Variants in WWOX observed in about 807,000 individuals in gnomAD.
The protein encoded by WWOX is WW domain containing oxidoreductase, also known as WW domain-containing oxidoreductase.
A neutral mutation model predicts 46.2 loss-of-function variants in WWOX; 69 were observed. The observed-to-expected ratio is 1.49, with a 90% CI of 1.23 to 1.82. The LOEUF (loss-of-function observed/expected upper bound fraction) is 1.82. WWOX is among the 40% of genes most tolerant of loss of function. WWOX has a pLI of 0.00. For missense variants in WWOX, 919 were observed against 542.6 expected (o/e 1.69, Z -6.89); for synonymous variants, 359 against 202.6 (o/e 1.77, Z -6.56).
At chr16:79,211,535 G>C (rs2150866911) in intron 8 of WWOX, 73 bp from the exon 9 acceptor site, 1 of 1,599,658 alleles carries the variant, frequency 6.3e-7, no homozygotes, top group East Asian at 2.2e-5. Flanking sequence ...CTAATGCCCA[G>C]GCAGTCGAAA....
intron 8 of WWOX, among the ~76,000 whole-genome samples, chr16:78,486,231 G>C (rs530525287): frequency 7.9e-5 from 12 of 152,254 alleles, no homozygotes; most frequent in African/African-American, 2.6e-4. Context: ...TCAAGTTGCA[G>C]CTTGGAACTT....
intron 8 of WWOX, among the ~76,000 whole-genome samples, chr16:78,672,121 C>T (rs990012820): frequency 2.6e-5 from 4 of 152,092 alleles, no homozygotes; most frequent in South Asian, 2.1e-4. Flanking sequence ...TTTAGGATAC[C>T]GGCAGGGCAG....
At chr16:78,999,375 C>T (rs1567472327) in intron 8 of WWOX, among the ~76,000 whole-genome samples, 1 of 152,124 alleles carries the variant, frequency 6.6e-6, no homozygotes, top group Non-Finnish European at 1.5e-5. Context: ...GAGGCTGAGG[C>T]AGGAGAATCG....
intron 8 of WWOX, among the ~76,000 whole-genome samples, chr16:78,795,835 C>G (rs2050721917): frequency 6.6e-6 from 1 of 151,956 alleles, no homozygotes; most frequent in Non-Finnish European, 1.5e-5. Context: ...AGTAGAGTGG[C>G]TAGCGTATAG....
chr16:78,369,142 G>A (rs994847522), intron 5 of WWOX, among the ~76,000 whole-genome samples: 4 of 151,732 alleles, frequency 2.6e-5, no homozygotes, highest in Non-Finnish European at 4.4e-5. Context: ...ACTCATTAAT[G>A]TGGAAAATTA....
chr16:78,335,027 C>G (rs1354161658), intron 5 of WWOX, among the ~76,000 whole-genome samples: 1 of 152,008 alleles, frequency 6.6e-6, no homozygotes, highest in African/African-American at 2.4e-5. Flanking sequence ...CCTGCAGTGT[C>G]AGCATCACCT....
chr16:78,368,314 A>C (rs1222492081), intron 5 of WWOX, among the ~76,000 whole-genome samples: 2 of 152,146 alleles, frequency 1.3e-5, no homozygotes. Flanking sequence ...GGTGATACTT[A>C]AGTTAACTGG....
intron 8 of WWOX, among the ~76,000 whole-genome samples, chr16:78,544,230 C>G (rs1000591271): frequency 1.3e-5 from 2 of 152,186 alleles, no homozygotes; most frequent in African/African-American, 2.4e-5. Context: ...CTAATATTCT[C>G]TCTGACTATA....
At chr16:78,334,942 A>T (rs76868866) in intron 5 of WWOX, among the ~76,000 whole-genome samples, 5 of 149,818 alleles carry the variant, frequency 3.3e-5, no homozygotes, top group Admixed American at 1.3e-4. Context: ...AAAAAAAGGC[A>T]GCAAAATGTG....
chr16:78,564,419 T>C lies in WWOX; in HGVS notation c.1056+131667T>C, dbSNP rs142634587. On this transcript the variant is annotated intron_variant, in intron 8 of 8. Coordinates refer to ENST00000566780, the MANE Select transcript of WWOX (RefSeq NM_016373.4). ...TTTCTGTCTCAGGAAGCATGAACAT[T>C]TCATCCAGGGTTATATGCTACAGGG... Among the ~76,000 whole-genome samples, 490 of 152,230 alleles carry C rather than the reference T, an allele frequency of 3.2e-3. 7 individuals carry two copies. The highest frequency in any genetic ancestry group is 0.026 in the Admixed American group (393 of 15,286).
chr16:79,070,877 C>G (rs2048537172), intron 8 of WWOX, among the ~76,000 whole-genome samples: 1 of 152,132 alleles, frequency 6.6e-6, no homozygotes, highest in South Asian at 2.1e-4. Flanking sequence ...TGACTATATT[C>G]TCCACAGAAA....
intron 8 of WWOX, among the ~76,000 whole-genome samples, chr16:78,642,898 A>T (rs901233762): frequency 5.3e-5 from 8 of 152,180 alleles, no homozygotes; most frequent in African/African-American, 1.7e-4. Context: ...TATGGCACTC[A>T]TCCTACTTGG....
chr16:79,121,689 GGAAGA>G (rs2049635036), intron 8 of WWOX, among the ~76,000 whole-genome samples: 1 of 152,144 alleles, frequency 6.6e-6, no homozygotes, highest in South Asian at 2.1e-4. Context: ...CTGGGCTTTG[GGAAGA>G]GAAAAGAATC....
At chr16:78,857,189 G>T (rs556060871) in intron 8 of WWOX, among the ~76,000 whole-genome samples, 1 of 152,086 alleles carries the variant, frequency 6.6e-6, no homozygotes, top group Non-Finnish European at 1.5e-5. Flanking sequence ...AGAAAAATGT[G>T]AACCTCCTAA....
chr16:78,460,051 C>A (rs2083913204), intron 8 of WWOX, among the ~76,000 whole-genome samples: 1 of 151,962 alleles, frequency 6.6e-6, no homozygotes, highest in Non-Finnish European at 1.5e-5. Flanking sequence ...AAGCAATCCG[C>A]CCACCTCGGC....
intron 8 of WWOX, among the ~76,000 whole-genome samples, chr16:78,903,539 T>G (rs1337612310): frequency 6.6e-6 from 1 of 152,112 alleles, no homozygotes; most frequent in Non-Finnish European, 1.5e-5. Flanking sequence ...GCAGAAAAGG[T>G]AAGGGGTTGC....
At chr16:78,678,923 A>C (rs572220620) in intron 8 of WWOX, among the ~76,000 whole-genome samples, 10 of 152,134 alleles carry the variant, frequency 6.6e-5, no homozygotes, top group Non-Finnish European at 1.5e-4. Context: ...GGCACCGCAC[A>C]CTTTGTTCAG....
intron 8 of WWOX, among the ~76,000 whole-genome samples, chr16:78,967,026 G>T (rs13339083): frequency 1.3e-5 from 2 of 151,866 alleles, no homozygotes; most frequent in Non-Finnish European, 2.9e-5. Context: ...AGAATATGCA[G>T]ACTATTCAAA....
At chr16:78,515,518 G>C (rs1023270077) in intron 8 of WWOX, among the ~76,000 whole-genome samples, 10 of 152,216 alleles carry the variant, frequency 6.6e-5, no homozygotes, top group African/African-American at 2.4e-4. Flanking sequence ...TGTGCAAGAA[G>C]AGGTAGGTGA....
Sources: allele counts gnomAD v4.1 joint callset (sites outside exome capture counted in the v4.1 genomes callset), GRCh38; gene constraint gnomAD v4.1.1; transcripts MANE v1.5; gene names NCBI Gene and HGNC (gene_info 2026-07-23, HGNC 2026-07-21).